The following DOT1L variants were observed in gnomAD, a reference collection of about 807,000 sequenced individuals.
The protein encoded by DOT1L is DOT1 like histone lysine methyltransferase.
A neutral mutation model predicts 153.3 loss-of-function variants in DOT1L; 33 were observed. The observed-to-expected ratio is 0.22, with a 90% CI of 0.16 to 0.29. The LOEUF is 0.29. Ranked by LOEUF, DOT1L falls within the 10% of genes least tolerant of loss-of-function variation. DOT1L has a pLI of 1.00. For synonymous variants in DOT1L, 1,135 were observed against 965.1 expected (o/e 1.18, Z -3.26); for missense variants, 1,847 against 2,119.9 (o/e 0.87, Z 2.53).
chr19:2,227,970 G>A, intron 27 of DOT1L: 16 of 1,263,312 alleles, frequency 1.3e-5, no homozygotes, highest in Non-Finnish European at 1.6e-5. Context: ...GTCCCCCGCG[G>A]GGCCGCCCGT....
At chr19:2,198,574 CT>C (rs1401663740) in intron 7 of DOT1L, among the ~76,000 whole-genome samples, 2 of 152,260 alleles carry the variant, frequency 1.3e-5, no homozygotes, top group Non-Finnish European at 2.9e-5. Flanking sequence ...GTTACCCTCT[CT>C]GCTCGGGGAC....
rs2024171368 is a variant in DOT1L, at chr19:2,222,687, T to A, written c.3390+128T>A. On this transcript the variant is annotated intron_variant, in intron 24 of 27. Transcript: ENST00000398665. This position sits in a 1 kb window ranked among gnomAD's most constrained non-coding sequence, Gnocchi z 6.5. ...AGGCCGAGGCGGGTGGATCACAAGA[T>A]CAGGACATCAAGACCATCCTGGCTA... The A allele has an allele frequency of 1.1e-6, 1 of 888,050 alleles. No homozygotes were observed. The allele number at this position is 888,050 out of a possible 1,614,324, so 55.0% of individuals were successfully genotyped here.
chr19:2,210,175 G>A (rs2023657077), intron 12 of DOT1L, among the ~76,000 whole-genome samples: 1 of 152,272 alleles, frequency 6.6e-6, no homozygotes, highest in Non-Finnish European at 1.5e-5. Flanking sequence ...GGGAGTGGCT[G>A]TGAATGCCGT....
At chr19:2,174,998 A>G (rs12975221) in intron 1 of DOT1L, among the ~76,000 whole-genome samples, 3,463 of 63,584 alleles carry the variant, frequency 0.054, 72 homozygotes, top group Non-Finnish European at 0.068. Context: ...GTGTGTGTAT[A>G]TATATATTTT....
At chr19:2,202,932 T>C (rs1384874068) in intron 9 of DOT1L, among the ~76,000 whole-genome samples, 153 bp downstream of exon 9, 2 of 152,134 alleles carry the variant, frequency 1.3e-5, no homozygotes, top group African/African-American at 4.8e-5. Context: ...CTTTTTTTTC[T>C]TTTTTTATTG....
chr19:2,230,759 A>T lies in DOT1L; in HGVS notation c.*967A>T, dbSNP rs1260042851. The T allele has an allele frequency of 2.8e-5, 11 of 396,626 alleles. No individual in the cohort carries two copies. The highest frequency in any genetic ancestry group is 4.9e-5 in the Non-Finnish European group (11 of 225,426). The allele number at this position is 396,626 out of a possible 1,614,324, so 24.6% of individuals were successfully genotyped here. On this transcript the variant is annotated 3_prime_UTR_variant, in exon 28 of 28. Coordinates refer to ENST00000398665, the MANE Select transcript of DOT1L (RefSeq NM_032482.3). ...AAGAAAAGCGAGGGGAAAAAACCTTATTTATTCAAACAGTGCACAAAATGG... is the reference window on the plus strand; with the variant it reads ...AAGAAAAGCGAGGGGAAAAAACCTTTTTTATTCAAACAGTGCACAAAATGG...
At position 2,217,134 on chromosome 19, in the gene DOT1L, C is replaced by A; in HGVS notation, c.2544+44C>A. On this transcript the variant is annotated intron_variant, in intron 21 of 27. Coordinates refer to ENST00000398665, the MANE Select transcript of DOT1L (RefSeq NM_032482.3). The surrounding 1 kb of genome is among the most constrained non-coding windows in gnomAD (Gnocchi z 7.3). ...GCCCCGGGCTCAGGGAGGTGCTCAG[C>A]AGAGGCGGCCTGAGCGAGTTGCTAG... 1 of 1,529,438 alleles carries A rather than the reference C, an allele frequency of 6.5e-7. No homozygotes were observed. The allele number at this position is 1,529,438 out of a possible 1,614,324, so 94.7% of individuals were successfully genotyped here. A position where few individuals can be genotyped will look rare whatever the true frequency, so the allele number is the denominator to read the frequency against.
chr19:2,167,357 A>G (rs1342168249), intron 1 of DOT1L, among the ~76,000 whole-genome samples: 1 of 152,190 alleles, frequency 6.6e-6, no homozygotes, highest in Non-Finnish European at 1.5e-5. Flanking sequence ...TTTCCTTGGT[A>G]CTGAAGTGAA....
At chr19:2,194,801 C>T (rs533206260) in intron 7 of DOT1L, among the ~76,000 whole-genome samples, 34 of 152,358 alleles carry the variant, frequency 2.2e-4, no homozygotes, top group South Asian at 4.1e-4. Context: ...GACATGGCTT[C>T]TGTCCCTCGG....
At position 2,223,349 on chromosome 19, in the gene DOT1L, C is replaced by T. The variant is rs201398012; in HGVS notation, c.3459C>T (p.Ser1153=). Reference sequence around the variant, plus strand: ...CCCCGGAGACCTCCCTGAAGAGCTCCCCTGTGCCCTACCAGGACCACGACC... The same window carrying T: ...CCCCGGAGACCTCCCTGAAGAGCTCTCCTGTGCCCTACCAGGACCACGACC... ...ISSPETSLKS[S]PVPYQDHDQP... Residue 1153 remains serine, a synonymous_variant, in exon 25 of 28, where the codon TCC becomes TCT. Coordinates refer to ENST00000398665, the MANE Select transcript of DOT1L (RefSeq NM_032482.3). The T allele has an allele frequency of 7.0e-4, 1,124 of 1,613,636 alleles. 1 individual carries two copies. Among genetic ancestry groups the T allele is most frequent in the Non-Finnish European group, 9.0e-4 (1,058 of 1,179,984 alleles).
Position 2,220,306 on chromosome 19 carries a change from A to G in DOT1L, c.2806+84A>G. Reference sequence around the variant, plus strand: ...AGGAGGGCTGGGTTGCTGGGAGTGGAACAGGGCTTCCTGGGGTGATCATGG... The same window carrying G: ...AGGAGGGCTGGGTTGCTGGGAGTGGGACAGGGCTTCCTGGGGTGATCATGG... On this transcript the variant is annotated intron_variant, in intron 23 of 27. Coordinates refer to ENST00000398665, the MANE Select transcript of DOT1L (RefSeq NM_032482.3). This position sits in a 1 kb window ranked among gnomAD's most constrained non-coding sequence, Gnocchi z 4.5. 2 of 1,360,008 alleles carry G rather than the reference A, an allele frequency of 1.5e-6. No homozygotes were observed. The highest frequency in any genetic ancestry group is 2.0e-6 in the Non-Finnish European group (2 of 979,984). 84.2% of individuals were successfully genotyped at this position (1,360,008 alleles called of 1,614,324 possible).
chr19:2,215,210 A>G (rs894195687), intron 19 of DOT1L, among the ~76,000 whole-genome samples: 7 of 152,194 alleles, frequency 4.6e-5, no homozygotes, highest in Non-Finnish European at 7.3e-5. Context: ...AGGCTGCAGC[A>G]AGCTGAGATT....
In DOT1L at chr19:2,217,125, G is replaced by C. The variant is rs760344557; in HGVS notation, c.2544+35G>C. On this transcript the variant is annotated intron_variant, in intron 21 of 27. Coordinates refer to ENST00000398665, the MANE Select transcript of DOT1L (RefSeq NM_032482.3). This position sits in a 1 kb window ranked among gnomAD's most constrained non-coding sequence, Gnocchi z 7.3. ...GCGACCCCTGCCCCGGGCTCAGGGA[G>C]GTGCTCAGCAGAGGCGGCCTGAGCG... 3 of 1,550,934 alleles carry C rather than the reference G, an allele frequency of 1.9e-6. No homozygotes were observed. Among genetic ancestry groups the C allele is most frequent in the South Asian group, 1.2e-5 (1 of 85,972 alleles).
At chr19:2,166,653 C>T (rs560564310) in intron 1 of DOT1L, among the ~76,000 whole-genome samples, 24 of 152,274 alleles carry the variant, frequency 1.6e-4, no homozygotes, top group East Asian at 1.5e-3. Flanking sequence ...TCAGGTGATC[C>T]GCCTGCCTTG....
Position 2,232,393 on chromosome 19 carries a change from C to T in DOT1L, c.*2601C>T, listed in dbSNP as rs369931693. On this transcript the variant is annotated 3_prime_UTR_variant, in exon 28 of 28. Transcript: ENST00000398665. ...GTCAGACCCCCCTCCCAACACAACA[C>T]GCTGCTGGTCTGTGTCAGCCTTTGT... 1.1e-3 allele frequency: 236 copies of T among 217,052 alleles called. 1 individual carries two copies. Among genetic ancestry groups the T allele is most frequent in the African/African-American group, 4.6e-3 (201 of 44,010 alleles). The allele number at this position is 217,052 out of a possible 1,614,324, so 13.4% of individuals were successfully genotyped here.
Position 2,216,475 on chromosome 19 carries a change from C to T in DOT1L, c.2118C>T (p.Ser706=), listed in dbSNP as rs2023905023. The T allele has an allele frequency of 6.2e-7, 1 of 1,612,702 alleles. No individual in the cohort carries two copies. The highest frequency in any genetic ancestry group is 8.5e-7 in the Non-Finnish European group (1 of 1,179,956). The change falls in exon 20 of 28, where the codon AGC becomes AGT. Residue 706 remains serine (S), a synonymous_variant. Transcript: ENST00000398665. Reference sequence around the variant, plus strand: ...AGTTCTCGCTGCCTCACTTGAGCAGCATGAGCCCGGAGCTCTCCATGAACG... The same window carrying T: ...AGTTCTCGCTGCCTCACTTGAGCAGTATGAGCCCGGAGCTCTCCATGAACG... ...CTKFSLPHLS[S]MSPELSMNGQ...
Position 2,216,382 on chromosome 19 carries a change from G to A in DOT1L, c.2025G>A (p.Gly675=). Reference sequence around the variant, plus strand: ...ACGCCCTGTCCCTGCACCTGCGTGGGAAGGGCGCCCTGGGCCGCGAGCTGG... The same window carrying A: ...ACGCCCTGTCCCTGCACCTGCGTGGAAAGGGCGCCCTGGGCCGCGAGCTGG... The part of the protein sequence containing the change: ...PDDALSLHLR[G]KGALGRELEP... Residue 675 remains glycine, a synonymous_variant, in exon 20 of 28, where the codon GGG becomes GGA. Coordinates refer to ENST00000398665, the MANE Select transcript of DOT1L (RefSeq NM_032482.3). 1 of 1,612,412 alleles carries A rather than the reference G, an allele frequency of 6.2e-7. No homozygotes were observed. Among genetic ancestry groups the A allele is most frequent in the East Asian group, 2.2e-5 (1 of 44,876 alleles).
At chr19:2,167,548 T>C (rs2019971708) in intron 1 of DOT1L, among the ~76,000 whole-genome samples, 1 of 152,242 alleles carries the variant, frequency 6.6e-6, no homozygotes, top group Non-Finnish European at 1.5e-5. Context: ...GTGCTGGTCC[T>C]GGCGCCGTCT....
chr19:2,205,853 C>T (rs1449585561), intron 9 of DOT1L, among the ~76,000 whole-genome samples: 1 of 151,770 alleles, frequency 6.6e-6, no homozygotes, highest in Non-Finnish European at 1.5e-5. Context: ...ACCATCATGC[C>T]CAGCTAATTT....
Sources: allele counts gnomAD v4.1 joint callset (sites outside exome capture counted in the v4.1 genomes callset), GRCh38; gene constraint gnomAD v4.1.1; non-coding constraint Gnocchi (gnomAD v3.1); transcripts MANE v1.5; gene names NCBI Gene and HGNC (gene_info 2026-07-23, HGNC 2026-07-21).